Variants in SDK1 observed in about 807,000 individuals in gnomAD.
SDK1 encodes the protein sidekick cell adhesion molecule 1.
SDK1 carries 157 observed loss-of-function variants against 245.5 expected under a neutral mutation model. The ratio of observed to expected loss-of-function variants is 0.64; its 90% CI spans 0.56 to 0.73. The LOEUF (loss-of-function observed/expected upper bound fraction) is 0.73, where lower values mean the gene tolerates loss of function less well. Ranked by LOEUF, SDK1 falls within the 30% of genes least tolerant of loss-of-function variation. The probability of loss-of-function intolerance (pLI) is 0.00; values close to 1 mark genes in which losing one functional copy is unlikely to be tolerated. For missense variants in SDK1, 3,583 were observed against 3,002.3 expected, an observed-to-expected ratio of 1.19 and a Z score of -4.52; for synonymous variants, 1,647 against 1,278.5, an observed-to-expected ratio of 1.29 and a Z score of -6.15.
At chr7:3,556,933 A>G (rs1779606514) in intron 1 of SDK1, among the ~76,000 whole-genome samples, 1 of 152,180 alleles carries the variant, frequency 6.6e-6, no homozygotes, top group Middle Eastern at 3.2e-3. Context: ...TGTCTGTATC[A>G]CAATATCTCA....
intron 14 of SDK1, among the ~76,000 whole-genome samples, chr7:4,001,744 T>A (rs1785091440): frequency 6.6e-6 from 1 of 152,238 alleles, no homozygotes; most frequent in Non-Finnish European, 1.5e-5. Flanking sequence ...TGTTTTGTTT[T>A]AGGTAGAAAG....
At chr7:4,175,712 C>T (rs1344373675) in intron 33 of SDK1, 63 bp from the exon 34 acceptor site, 5 of 1,358,804 alleles carry the variant, frequency 3.7e-6, no homozygotes, top group Non-Finnish European at 4.2e-6. Flanking sequence ...TCCTGCCGCA[C>T]ATCACCTGCG....
At position 3,859,053 on chromosome 7, in the gene SDK1, G is replaced by A. The variant is rs1780619576; in HGVS notation, c.847+37470G>A. The stretch of plus-strand genomic sequence containing the variant: ...AATTTTTTGTATTTTTAGTAGAGAC[G>A]GGGTTTCACTGTGTTAGCCAGGATG... On this transcript the variant is annotated intron_variant, in intron 5 of 44. Coordinates refer to ENST00000404826, the MANE Select transcript of SDK1 (RefSeq NM_152744.4). 6.6e-5 allele frequency among the ~76,000 whole-genome samples: 10 copies of A among 151,500 alleles called. No individual in the cohort carries two copies. The South Asian group carries it at 1.5e-3, about 22-fold the overall frequency.
In SDK1 at chr7:3,974,500, T is replaced by G. The variant is rs759834394; in HGVS notation, c.1949T>G (p.Val650Gly). The change falls in exon 13 of 45, where the codon GTT becomes GGT. Residue 650 changes from valine to glycine, a missense_variant. By Grantham distance (109) the Val-to-Gly change is moderately radical. Transcript: ENST00000404826. ...GDIGDYSCEI[V>G]SEGGNDSRMA... Reference sequence around the variant, plus strand: ...ATCGGTGACTACAGCTGCGAGATTGTTTCTGAAGGAGGGAATGACTCCAGG... The same window carrying G: ...ATCGGTGACTACAGCTGCGAGATTGGTTCTGAAGGAGGGAATGACTCCAGG... 1 of 1,614,118 alleles carries G rather than the reference T, an allele frequency of 6.2e-7. No homozygotes were observed. Among genetic ancestry groups the G allele is most frequent in the Non-Finnish European group, 8.5e-7 (1 of 1,180,030 alleles).
chr7:3,905,974 C>T (rs994155139), intron 5 of SDK1, among the ~76,000 whole-genome samples: 2 of 151,914 alleles, frequency 1.3e-5, no homozygotes, highest in Non-Finnish European at 2.9e-5. Flanking sequence ...CTTTTTTTCA[C>T]TTGTTTTGGT....
chr7:4,240,843 T>TG (rs1336897685), intron 42 of SDK1, among the ~76,000 whole-genome samples: 1 of 152,038 alleles, frequency 6.6e-6, no homozygotes, highest in African/African-American at 2.4e-5. Context: ...CGGGAAATAC[T>TG]GGGAGAAGGA....
At chr7:4,102,954 T>TAAAAAAAAAA (rs34174910) in intron 22 of SDK1, among the ~76,000 whole-genome samples, 2 of 113,240 alleles carry the variant, frequency 1.8e-5, no homozygotes, top group Admixed American at 1.0e-4. Context: ...TAAAAAAAGT[T>TAAAAAAAAAA]AAAAAAAAAA....
chr7:3,359,353 A>G (rs971792166), intron 1 of SDK1, among the ~76,000 whole-genome samples: 2 of 152,190 alleles, frequency 1.3e-5, no homozygotes, highest in African/African-American at 2.4e-5. Context: ...CATAGTGAAT[A>G]CATTGCCTTT....
intron 44 of SDK1, among the ~76,000 whole-genome samples, chr7:4,248,881 A>G (rs1451419306): frequency 6.7e-6 from 1 of 150,196 alleles, no homozygotes; most frequent in African/African-American, 2.5e-5. Context: ...GCATACCTAA[A>G]TACAAGTACA....
intron 5 of SDK1, among the ~76,000 whole-genome samples, chr7:3,910,854 C>T (rs528130835): frequency 2.0e-5 from 3 of 152,150 alleles, no homozygotes; most frequent in Non-Finnish European, 4.4e-5. Context: ...CCAGTTAGTC[C>T]GGATAATCGG....
At chr7:4,060,723 A>G (rs1230334097) in intron 19 of SDK1, among the ~76,000 whole-genome samples, 2 of 152,196 alleles carry the variant, frequency 1.3e-5, no homozygotes, top group East Asian at 1.9e-4. Context: ...GCCCATGCCT[A>G]TGTCCGGAAT....
intron 4 of SDK1, among the ~76,000 whole-genome samples, chr7:3,708,823 G>C (rs1253344714): frequency 1.3e-5 from 2 of 152,264 alleles, no homozygotes; most frequent in African/African-American, 4.8e-5. Context: ...GAAGACATCA[G>C]ATATTTGGTT....
intron 1 of SDK1, among the ~76,000 whole-genome samples, chr7:3,516,298 A>G (rs1048674565): frequency 9.9e-5 from 15 of 152,144 alleles, no homozygotes; most frequent in African/African-American, 3.6e-4. Flanking sequence ...TTACTTATAC[A>G]TGCAGCTGTA....
chr7:4,125,061 A>G (rs1784294676), intron 25 of SDK1, among the ~76,000 whole-genome samples: 1 of 145,008 alleles, frequency 6.9e-6, no homozygotes, highest in Non-Finnish European at 1.5e-5. Flanking sequence ...TGGATGGGTA[A>G]TGGGTGGATG....
chr7:3,325,909 C>T (rs551754239), intron 1 of SDK1, among the ~76,000 whole-genome samples: 1 of 94,074 alleles, frequency 1.1e-5, no homozygotes, highest in African/African-American at 5.1e-5. Context: ...AAACATCCTC[C>T]CCTTTGAGAG....
At chr7:4,090,806 A>C (rs1260554382) in intron 22 of SDK1, among the ~76,000 whole-genome samples, 3 of 152,212 alleles carry the variant, frequency 2.0e-5, no homozygotes, top group African/African-American at 7.2e-5. Context: ...TAGCTAGGTC[A>C]GTTTCTATAT....
At chr7:3,330,162 C>G (rs1011311265) in intron 1 of SDK1, among the ~76,000 whole-genome samples, 1 of 152,054 alleles carries the variant, frequency 6.6e-6, no homozygotes, top group Admixed American at 6.5e-5. Flanking sequence ...CTGGCACATA[C>G]TGATTTCATG....
rs1780850205 is a variant in SDK1 at position 3,951,762 on chromosome 7, G to C, written c.992G>C (p.Arg331Thr). ...GAGGACCTGAGTGTGACCTGGAAGA[G>C]GAATGGAGTGAGAATCACCAGTGGC... ...PVEDLSVTWK[R>T]NGVRITSGLH... The change falls in exon 7 of 45, where the codon AGG becomes ACG. Residue 331 changes from arginine to threonine, a missense_variant. Coordinates refer to ENST00000404826, the MANE Select transcript of SDK1 (RefSeq NM_152744.4). 3 of 1,613,716 alleles carry C rather than the reference G, an allele frequency of 1.9e-6. No homozygotes were observed. Among genetic ancestry groups the C allele is most frequent in the East Asian group, 2.2e-5 (1 of 44,890 alleles).
intron 4 of SDK1, among the ~76,000 whole-genome samples, chr7:3,814,230 G>T (rs951219271): frequency 2.0e-5 from 3 of 151,630 alleles, no homozygotes; most frequent in African/African-American, 7.3e-5. Context: ...ATCTTCTAGG[G>T]TTTTTATGGT....
Sources: allele counts gnomAD v4.1 joint callset (sites outside exome capture counted in the v4.1 genomes callset), GRCh38; gene constraint gnomAD v4.1.1; transcripts MANE v1.5; gene names NCBI Gene and HGNC (gene_info 2026-07-23, HGNC 2026-07-21).